CNOT7: variants seen among roughly 807,000 people sequenced by gnomAD.
CNOT7 encodes the protein CCR4-NOT transcription complex subunit 7, also known as BTG1-binding factor 1.
A neutral mutation model predicts 37.1 loss-of-function variants in CNOT7; 4 were observed. The ratio of observed to expected loss-of-function variants is 0.11; its 90% CI spans 0.05 to 0.25. The LOEUF is 0.25. CNOT7 is among the 10% of genes least tolerant of loss of function. CNOT7 has a pLI of 1.00. For synonymous variants in CNOT7, 128 were observed against 115.6 expected (o/e 1.11, Z -0.69); for missense variants, 170 against 336.2 (o/e 0.51, Z 3.87).
intron 3 of CNOT7, among the ~76,000 whole-genome samples, chr8:17,239,803 A>G (rs1809902706): frequency 1.3e-5 from 2 of 152,198 alleles, no homozygotes; most frequent in South Asian, 4.1e-4. Context: ...TAAAAGTGAG[A>G]ATTTGTTAAA....
chr8:17,244,013 C>G (rs1417002051), intron 2 of CNOT7, among the ~76,000 whole-genome samples: 1 of 152,128 alleles, frequency 6.6e-6, no homozygotes, highest in Non-Finnish European at 1.5e-5. Flanking sequence ...TAAAAACTAC[C>G]TATCAAGTCA....
At chr8:17,241,571 T>C (rs1167391393) in intron 3 of CNOT7, 3 of 152,198 alleles carry the variant, frequency 2.0e-5, no homozygotes, top group Non-Finnish European at 2.9e-5. Context: ...GCACTACCAT[T>C]AATTGCCTAC....
intron 2 of CNOT7, among the ~76,000 whole-genome samples, chr8:17,244,174 A>G (rs1011856105): frequency 6.6e-6 from 1 of 152,242 alleles, no homozygotes; most frequent in Non-Finnish European, 1.5e-5. Context: ...GTGGATGTAG[A>G]AAACAGTAGG....
At position 17,246,824 on chromosome 8, in the gene CNOT7, G is replaced by C. The variant is rs562023311; in HGVS notation, c.-245C>G. On this transcript the variant is annotated 5_prime_UTR_variant, in exon 1 of 7. Transcript: ENST00000361272. ...GCGAAGGGAAAGGCGAGCAGGAGCT[G>C]CGCCGCACCGTGCTGCGCCGTCGCT... 1.6e-5 allele frequency: 4 copies of C among 252,656 alleles called. No homozygotes were observed. The highest frequency in any genetic ancestry group is 4.7e-5 in the African/African-American group (2 of 42,284). The allele number at this position is 252,656 out of a possible 1,614,324, so 15.7% of individuals were successfully genotyped here. A position where few individuals can be genotyped will look rare whatever the true frequency, so the allele number is the denominator to read the frequency against.
Position 17,231,561 on chromosome 8 carries a change from A to G in CNOT7, c.730-713T>C, listed in dbSNP as rs532175257. ...TTTCTATTATCAATACATTGCTACAAAAAGTTTTAAATTCTCAGTCTCAAT... is the reference window on the plus strand; with the variant it reads ...TTTCTATTATCAATACATTGCTACAGAAAGTTTTAAATTCTCAGTCTCAAT... On this transcript the variant is annotated intron_variant, in intron 6 of 6. Transcript: ENST00000361272. The G allele has an allele frequency of 1.3e-5, 13 of 985,172 alleles. No homozygotes were observed. The East Asian group carries it at 1.2e-3, about 94-fold the overall frequency. 61.0% of individuals were successfully genotyped at this position (985,172 alleles called of 1,614,324 possible).
chr8:17,236,202 C>A (rs1361029033), intron 4 of CNOT7, among the ~76,000 whole-genome samples: 1 of 152,130 alleles, frequency 6.6e-6, no homozygotes. Flanking sequence ...CATGAACAGT[C>A]CTTCACTATA....
chr8:17,232,409 G>A lies in CNOT7; in HGVS notation c.729+18C>T. The A allele has an allele frequency of 6.2e-7, 1 of 1,613,564 alleles. No homozygotes were observed. Among genetic ancestry groups the A allele is most frequent in the East Asian group, 2.2e-5 (1 of 44,848 alleles). On this transcript the variant is annotated intron_variant, in intron 6 of 6. Transcript: ENST00000361272. The stretch of plus-strand genomic sequence containing the variant: ...AACCTAACAACCAACTGAGAAAAAG[G>A]CAGTGATGTCTTCATACTTCTCTCA...
At position 17,225,431 on chromosome 8, in the gene CNOT7, G is replaced by A. The variant is rs1015435633; in HGVS notation, c.*5289C>T. ...CTTTAAAAAGAAAATGAGTAATTCT[G>A]GAGAAATGTAGCTTGTTCATTCACC... is the stretch of plus-strand genomic sequence containing the variant. On this transcript the variant is annotated 3_prime_UTR_variant, in exon 7 of 7. Transcript: ENST00000361272. 1 of 151,688 alleles carries A rather than the reference G, an allele frequency of 6.6e-6. No individual in the cohort carries two copies. The highest frequency in any genetic ancestry group is 2.4e-5 in the African/African-American group (1 of 41,402). 9.4% of individuals were successfully genotyped at this position (151,688 alleles called of 1,614,324 possible). A position where few individuals can be genotyped will look rare whatever the true frequency, so the allele number is the denominator to read the frequency against.
At chr8:17,238,924 C>T (rs1182896898) in intron 3 of CNOT7, among the ~76,000 whole-genome samples, 2 of 152,214 alleles carry the variant, frequency 1.3e-5, no homozygotes, top group African/African-American at 2.4e-5. Context: ...GCCTTAGACG[C>T]TATTCCATGC....
intron 6 of CNOT7, 143 bp from the exon 7 acceptor site, chr8:17,230,991 A>C: frequency 1.8e-6 from 1 of 568,152 alleles, no homozygotes; most frequent in Non-Finnish European, 3.0e-6. Flanking sequence ...GAGGCTACGC[A>C]TTTCAGTTCA....
Position 17,225,297 on chromosome 8 carries a change from G to C in CNOT7, c.*5423C>G, listed in dbSNP as rs1371805051. 2 of 151,624 alleles carry C rather than the reference G, an allele frequency of 1.3e-5. No homozygotes were observed. The highest frequency in any genetic ancestry group is 6.6e-5 in the Admixed American group (1 of 15,200). The allele number at this position is 151,624 out of a possible 1,614,324, so 9.4% of individuals were successfully genotyped here. A position where few individuals can be genotyped will look rare whatever the true frequency, so the allele number is the denominator to read the frequency against. On this transcript the variant is annotated 3_prime_UTR_variant, in exon 7 of 7. Transcript: ENST00000361272. ...CAAAACAGAAGGGTGTGAAAGCAGT[G>C]AATTTCCCCTCCTATGACAATAAAG...
At chr8:17,242,799 CT>C in intron 3 of CNOT7, 192 bp downstream of exon 3, 1 of 422,168 alleles carries the variant, frequency 2.4e-6, no homozygotes, top group Non-Finnish European at 4.2e-6. Flanking sequence ...AATATAACAT[CT>C]TTAACATCAA....
chr8:17,234,925 GTTT>G (rs1487953857), intron 4 of CNOT7, 65 bp from the exon 5 acceptor site: 3 of 1,422,096 alleles, frequency 2.1e-6, no homozygotes, highest in Non-Finnish European at 2.8e-6. Context: ...AAAAAAAAAA[GTTT>G]TTCTGATTCA....
chr8:17,232,377 T>G (rs1201731313), intron 6 of CNOT7, 50 bp downstream of exon 6: 2 of 1,611,172 alleles, frequency 1.2e-6, no homozygotes, highest in Non-Finnish European at 1.7e-6. Context: ...AGATTTTTAA[T>G]GTTCTCAACC....
chr8:17,236,405 G>A (rs1809366864), intron 4 of CNOT7, among the ~76,000 whole-genome samples: 2 of 152,170 alleles, frequency 1.3e-5, no homozygotes, highest in South Asian at 4.1e-4. Context: ...ACTTAGATGG[G>A]AAAACTCTTT....
rs1297735274 is a variant in CNOT7, at chr8:17,226,219, C to T, written c.*4501G>A. On this transcript the variant is annotated 3_prime_UTR_variant, in exon 7 of 7. Coordinates refer to ENST00000361272, the MANE Select transcript of CNOT7 (RefSeq NM_013354.7). ...TTCTTTTTTTAGTAATAGAGTTCTA[C>T]TAATGGGAATAATGGGATTTTTTGG... 5 of 150,590 alleles carry T rather than the reference C, an allele frequency of 3.3e-5. No individual in the cohort carries two copies. Among genetic ancestry groups the T allele is most frequent in the Admixed American group, 6.6e-5 (1 of 15,064 alleles). 9.3% of individuals were successfully genotyped at this position (150,590 alleles called of 1,614,324 possible). A position where few individuals can be genotyped will look rare whatever the true frequency, so the allele number is the denominator to read the frequency against.
rs554659928 is a variant in CNOT7, at chr8:17,230,529, C to A, written c.*191G>T. On this transcript the variant is annotated 3_prime_UTR_variant, in exon 7 of 7. Coordinates refer to ENST00000361272, the MANE Select transcript of CNOT7 (RefSeq NM_013354.7). ...ATTAAGGCCAAATTTAACCTGAATG[C>A]GTTTTTTTTTTTCTTTTTATTAAGA... The A allele has an allele frequency of 3.0e-4, 108 of 364,090 alleles. No homozygotes were observed. The South Asian group carries it at 7.2e-3, about 24-fold the overall frequency. The allele number at this position is 364,090 out of a possible 1,614,324, so 22.6% of individuals were successfully genotyped here.
chr8:17,243,419 G>A, intron 2 of CNOT7: 1 of 636,914 alleles, frequency 1.6e-6, no homozygotes, highest in Non-Finnish European at 2.9e-6. Flanking sequence ...AGATACATGT[G>A]ATAAATTTAA....
intron 2 of CNOT7, chr8:17,243,437 C>G: frequency 1.6e-6 from 1 of 613,720 alleles, no homozygotes; most frequent in South Asian, 1.5e-5. Flanking sequence ...TAACCAAATA[C>G]TTACTCTATA....
Sources: allele counts gnomAD v4.1 joint callset (sites outside exome capture counted in the v4.1 genomes callset), GRCh38; gene constraint gnomAD v4.1.1; transcripts MANE v1.5; gene names NCBI Gene and HGNC (gene_info 2026-07-23, HGNC 2026-07-21).